The following DHRS12 variants were observed in gnomAD, a reference collection of about 807,000 sequenced individuals.
The protein encoded by DHRS12 is dehydrogenase/reductase SDR family member 12.
DHRS12 carries 29 observed loss-of-function variants against 32.1 expected under a neutral mutation model. The ratio of observed to expected loss-of-function variants is 0.90; its 90% CI spans 0.67 to 1.23. The LOEUF (loss-of-function observed/expected upper bound fraction) is 1.23, where lower values mean the gene tolerates loss of function less well. DHRS12 is among the 50% of genes most tolerant of loss of function. DHRS12 has a pLI of 0.00. For synonymous variants in DHRS12, 150 were observed against 135.9 expected (o/e 1.10, Z -0.72); for missense variants, 330 against 337.2 (o/e 0.98, Z 0.17).
intron 3 of DHRS12, among the ~76,000 whole-genome samples, chr13:51,790,889 T>G (rs2139290648): frequency 6.6e-6 from 1 of 152,312 alleles, no homozygotes; most frequent in South Asian, 2.1e-4. Flanking sequence ...GAGAAAAATT[T>G]ATATACAAAT....
chr13:51,777,502 T>G (rs752577802), intron 4 of DHRS12: 1 of 210,390 alleles, frequency 4.8e-6, no homozygotes, highest in Non-Finnish European at 9.7e-6. Context: ...GTCTCAAGGG[T>G]GGAATTCAGT....
At chr13:51,774,084 C>T (rs1341891706) in intron 5 of DHRS12, 50 bp from the exon 6 acceptor site, 5 of 1,546,064 alleles carry the variant, frequency 3.2e-6, no homozygotes, top group Admixed American at 1.7e-5. Context: ...TGACCCCTTC[C>T]ACTCTTCACC....
At chr13:51,756,059 T>C in the DHRS12 span, among the ~76,000 whole-genome samples, 2 of 152,146 alleles carry the variant, frequency 1.3e-5, no homozygotes, top group Non-Finnish European at 2.9e-5. Flanking sequence ...CCTCTGTAGT[T>C]CCTAGTATGA....
rs1210284973 is a variant in DHRS12 at position 51,771,924 on chromosome 13, G to A, written c.469-13C>T. ...CCACTTGCTGCCTCTGGACAGGAAGGAGCGAGGGGGTGAACAGGAGAGAGG... is the reference window on the plus strand; with the variant it reads ...CCACTTGCTGCCTCTGGACAGGAAGAAGCGAGGGGGTGAACAGGAGAGAGG... On this transcript the variant is annotated splice_polypyrimidine_tract_variant and intron_variant, in intron 6 of 8. Transcript: ENST00000444610. The A allele has an allele frequency of 1.9e-6, 3 of 1,613,728 alleles. No individual in the cohort carries two copies. In the Admixed American group the frequency reaches 5.0e-5, roughly 27 times the overall value.
intron 1 of DHRS12, chr13:51,803,798 T>C: frequency 3.1e-6 from 1 of 324,318 alleles, no homozygotes. Context: ...GGGACGGCCC[T>C]GGGCTTGGGC....
intron 2 of DHRS12, among the ~76,000 whole-genome samples, chr13:51,791,670 A>C (rs577433627): frequency 6.6e-6 from 1 of 152,294 alleles, no homozygotes; most frequent in East Asian, 1.9e-4. Flanking sequence ...CAGCATGCTG[A>C]CTAGGTACAA....
rs1954176196 is a variant in DHRS12, at chr13:51,773,919, A to G, written c.468+11T>C. The stretch of plus-strand genomic sequence containing the variant: ...GGTAAAATGCAGTCTCAGGAAACCC[A>G]CCTCACTGACCTTGTTTTGTGCATA... On this transcript the variant is annotated intron_variant, in intron 6 of 8. Transcript: ENST00000444610. 2.5e-6 allele frequency: 4 copies of G among 1,612,868 alleles called. No individual in the cohort carries two copies. The highest frequency in any genetic ancestry group is 3.3e-4 in the Middle Eastern group (2 of 6,058).
chr13:51,771,063 G>A, intron 7 of DHRS12: 1 of 1,435,356 alleles, frequency 7.0e-7, no homozygotes, highest in Non-Finnish European at 9.1e-7. Flanking sequence ...GCCCGGCTGG[G>A]AGGTCTTAGC....
chr13:51,797,960 C>A, intron 2 of DHRS12: 2 of 1,496,174 alleles, frequency 1.3e-6, no homozygotes, highest in Non-Finnish European at 9.0e-7. Context: ...GCTACAGAAA[C>A]CAGCTCTTCC....
Position 51,777,125 on chromosome 13 carries a change from A to G in DHRS12, c.302-4T>C. 1.2e-6 allele frequency: 2 copies of G among 1,614,030 alleles called. No homozygotes were observed. The highest frequency in any genetic ancestry group is 2.2e-5 in the South Asian group (2 of 91,086). On this transcript the variant is annotated splice_polypyrimidine_tract_variant and splice_region_variant and intron_variant, in intron 4 of 8. Transcript: ENST00000444610. ...CCGGTCGTGAGAATGTACACACCTGAGGCAGCACACAGCATCCCATGAGGG... is the reference window on the plus strand; with the variant it reads ...CCGGTCGTGAGAATGTACACACCTGGGGCAGCACACAGCATCCCATGAGGG...
At chr13:51,757,871 CCTT>C in the DHRS12 span, among the ~76,000 whole-genome samples, 1 of 151,318 alleles carries the variant, frequency 6.6e-6, no homozygotes, top group Admixed American at 6.6e-5. Flanking sequence ...ACTGGCAAGT[CCTT>C]CTGAGCTCAA....
intron 4 of DHRS12, among the ~76,000 whole-genome samples, chr13:51,786,400 C>A (rs969869439): frequency 1.3e-5 from 2 of 152,214 alleles, no homozygotes; most frequent in Non-Finnish European, 2.9e-5. Flanking sequence ...CTTCACTCCT[C>A]ATGGACTCTT....
rs1954742368 is a variant in DHRS12 at position 51,782,115 on chromosome 13, G to A, written c.302-4994C>T. On this transcript the variant is annotated intron_variant, in intron 4 of 8. Transcript: ENST00000444610. This position sits in a 1 kb window ranked among gnomAD's most constrained non-coding sequence, Gnocchi z 4.2. The stretch of plus-strand genomic sequence containing the variant: ...GAGATGATGCTGGCCACTGGGGTGG[G>A]GCCCATTACAGGAGCAGACCGGTGA... Among the ~76,000 whole-genome samples the A allele has an allele frequency of 6.6e-6, 1 of 152,132 alleles. No individual in the cohort carries two copies. Among genetic ancestry groups the A allele is most frequent in the East Asian group, 1.9e-4 (1 of 5,186 alleles).
chr13:51,784,619 G>A (rs1198878125), intron 4 of DHRS12, among the ~76,000 whole-genome samples: 1 of 152,214 alleles, frequency 6.6e-6, no homozygotes. Context: ...AGCCTTGAAG[G>A]TTTGTGAGCT....
chr13:51,756,840 G>A, the DHRS12 span, among the ~76,000 whole-genome samples: 6 of 152,172 alleles, frequency 3.9e-5, no homozygotes, highest in Non-Finnish European at 8.8e-5. Context: ...GAGTCCATGG[G>A]TCCAGAAGGT....
chr13:51,766,497 C>A (rs1953754889), downstream of DHRS12: 1 of 152,300 alleles, frequency 6.6e-6, no homozygotes, highest in Admixed American at 6.5e-5. Flanking sequence ...GACATTGGAA[C>A]AGATTTCTCC....
intron 2 of DHRS12, among the ~76,000 whole-genome samples, chr13:51,792,719 T>G (rs1312114018): frequency 6.6e-6 from 1 of 152,220 alleles, no homozygotes; most frequent in Non-Finnish European, 1.5e-5. Flanking sequence ...CATTTGTGTA[T>G]CTTCTTTGGA....
At chr13:51,756,184 A>T in the DHRS12 span, 1 of 1,191,160 alleles carries the variant, frequency 8.4e-7, no homozygotes, top group East Asian at 2.4e-5. Flanking sequence ...AACACATCCA[A>T]TGTGTTCCCT....
intron 8 of DHRS12, chr13:51,768,729 A>C (rs995581613): frequency 1.8e-5 from 20 of 1,127,576 alleles, no homozygotes; most frequent in Middle Eastern, 7.6e-4. Flanking sequence ...TTAGGAGCCC[A>C]CTGGGGAGAG....
Sources: gnomAD v4.1 joint callset for allele counts (sites outside exome capture counted in the v4.1 genomes callset) on GRCh38, gnomAD v4.1.1 for gene constraint, Gnocchi (gnomAD v3.1) non-coding constraint, MANE v1.5 for transcripts, NCBI Gene and HGNC (gene_info 2026-07-23, HGNC 2026-07-21) for gene names.